Variants in NAALADL1 observed in about 807,000 individuals in gnomAD.
NAALADL1 encodes N-acetylated alpha-linked acidic dipeptidase like 1, also known as aminopeptidase NAALADL1.
NAALADL1 carries 77 observed loss-of-function variants against 82.8 expected under a neutral mutation model. The observed-to-expected ratio is 0.93, with a 90% CI of 0.77 to 1.12. The LOEUF (loss-of-function observed/expected upper bound fraction) is 1.12, where lower values mean the gene tolerates loss of function less well. Ranked by LOEUF, NAALADL1 falls within the 50% of genes most tolerant of loss-of-function variation. NAALADL1 has a pLI of 0.00. For missense variants in NAALADL1, 956 were observed against 964.0 expected, an observed-to-expected ratio of 0.99 and a Z score of 0.11; for synonymous variants, 358 against 399.2, an observed-to-expected ratio of 0.90 and a Z score of 1.23.
intron 4 of NAALADL1, among the ~76,000 whole-genome samples, chr11:65,055,444 C>A (rs1417803722): frequency 6.6e-6 from 1 of 151,934 alleles, no homozygotes; most frequent in Non-Finnish European, 1.5e-5. Context: ...CTCAAAAAAA[C>A]CCCAACAAAC....
At chr11:65,051,373 G>A (rs1217079368) in intron 8 of NAALADL1, among the ~76,000 whole-genome samples, 3 of 84,904 alleles carry the variant, frequency 3.5e-5, no homozygotes, top group Non-Finnish European at 6.8e-5. Context: ...GTCCTTTTCT[G>A]TTGCCCAGGC....
chr11:65,053,181 G>A lies in NAALADL1; in HGVS notation c.1198+37C>T. The A allele has an allele frequency of 1.3e-6, 2 of 1,501,658 alleles. No individual in the cohort carries two copies. The highest frequency in any genetic ancestry group is 1.3e-5 in the South Asian group (1 of 77,150). The allele number at this position is 1,501,658 out of a possible 1,614,324, so 93.0% of individuals were successfully genotyped here. ...TGGAACAGGAAGGGGACCTCCGGGG[G>A]CGAAGGTCCCTGGTCCAGGGGAGGG... On this transcript the variant is annotated intron_variant, in intron 8 of 17. Coordinates refer to ENST00000358658, the MANE Select transcript of NAALADL1 (RefSeq NM_005468.3). The surrounding 1 kb of genome is among the most constrained non-coding windows in gnomAD (Gnocchi z 4.3).
chr11:65,052,804 A>G (rs1180933441), intron 8 of NAALADL1, among the ~76,000 whole-genome samples: 1 of 152,064 alleles, frequency 6.6e-6, no homozygotes, highest in Non-Finnish European at 1.5e-5. Flanking sequence ...TCCCTGAAGC[A>G]CTGAAACGCT....
Position 65,057,957 on chromosome 11 carries a change from G to A in NAALADL1, c.398C>T (p.Thr133Ile). Residue 133 changes from threonine (T) to isoleucine (I), a missense_variant, in exon 3 of 18, where the codon ACT (threonine) becomes ATT (isoleucine). Coordinates refer to ENST00000358658, the MANE Select transcript of NAALADL1 (RefSeq NM_005468.3). ...TGGIIHSCHRTEENVTGEQGG... is the reference protein window; with the variant it reads ...TGGIIHSCHRIEENVTGEQGG... ...TTGCTCCCCGGTCACGTTCTCCTCA[G>A]TCCGGTGGCAGGAGTGGATGATGCC... The A allele has an allele frequency of 6.2e-7, 1 of 1,614,144 alleles. No individual in the cohort carries two copies. Among genetic ancestry groups the A allele is most frequent in the Non-Finnish European group, 8.5e-7 (1 of 1,180,002 alleles).
chr11:65,047,823 C>T, intron 11 of NAALADL1, 85 bp from the exon 12 acceptor site: 1 of 1,487,456 alleles, frequency 6.7e-7, no homozygotes, highest in Non-Finnish European at 9.1e-7. Flanking sequence ...CTCCTGCCCA[C>T]CCGTGGTCCA....
intron 8 of NAALADL1, among the ~76,000 whole-genome samples, chr11:65,052,811 CGCTGAAGT>C (rs1946924412): frequency 2.0e-5 from 3 of 152,008 alleles, no homozygotes; most frequent in African/African-American, 7.2e-5. Flanking sequence ...AGCACTGAAA[CGCTGAAGT>C]GCTGCCTCCA....
chr11:65,051,366 C>CTTTTCTG (rs1946885809), intron 8 of NAALADL1, among the ~76,000 whole-genome samples: 1 of 79,786 alleles, frequency 1.3e-5, no homozygotes, highest in African/African-American at 4.5e-5. Flanking sequence ...AGACAGGGTC[C>CTTTTCTG]TTTTCTGTTG....
At chr11:65,047,262 G>A (rs1946754416) in intron 13 of NAALADL1, among the ~76,000 whole-genome samples, 1 of 152,138 alleles carries the variant, frequency 6.6e-6, no homozygotes, top group Non-Finnish European at 1.5e-5. Context: ...TTGAGCCCAG[G>A]AGTTCAAGAC....
rs139662895 is a variant in NAALADL1 at position 65,053,294 on chromosome 11, G to A, written c.1122C>T (p.His374=). 102 of 1,559,524 alleles carry A rather than the reference G, an allele frequency of 6.5e-5. No homozygotes were observed. The highest frequency in any genetic ancestry group is 5.3e-4 in the Middle Eastern group (3 of 5,686). The part of the protein sequence containing the change: ...LYGNHRDSWV[H]GAVDPSSGTA... The stretch of plus-strand genomic sequence containing the variant: ...TGCCACTGCTGGGGTCCACAGCCCC[G>A]TGCACCCAGCTGTCTCGGTGGTTCC... The change falls in exon 8 of 18, where the codon CAC becomes CAT. Residue 374 remains histidine, a synonymous_variant. Transcript: ENST00000358658. The surrounding 1 kb of genome is among the most constrained non-coding windows in gnomAD (Gnocchi z 4.3).
In NAALADL1 at chr11:65,053,897, G is replaced by T. The variant is rs1565237170; in HGVS notation, c.993-321C>A. Among the ~76,000 whole-genome samples, 3 of 152,178 alleles carry T rather than the reference G, an allele frequency of 2.0e-5. No individual in the cohort carries two copies. Among genetic ancestry groups the T allele is most frequent in the African/African-American group, 2.4e-5 (1 of 41,438 alleles). On this transcript the variant is annotated intron_variant, in intron 6 of 17. Coordinates refer to ENST00000358658, the MANE Select transcript of NAALADL1 (RefSeq NM_005468.3). This position sits in a 1 kb window ranked among gnomAD's most constrained non-coding sequence, Gnocchi z 4.3. ...CTGGGTGAAGGGGCCTGGGAGGAGA[G>T]GGCACCTGGAGGCCAGTGGGTGCTG...
chr11:65,054,323 A>C lies in NAALADL1; in HGVS notation c.919T>G (p.Trp307Gly), dbSNP rs140919277. 8 of 1,614,120 alleles carry C rather than the reference A, an allele frequency of 5.0e-6. No homozygotes were observed. The East Asian group carries it at 6.7e-5, about 13-fold the overall frequency. ...TAGTGGCAGCCCAGTGCTCCCTGCC[A>C]GGTGGCTGGGGCCAAAGTTCCGTTG... ...NLNGTLAPAT[W>G]QGALGCHYRL... The change falls in exon 6 of 18, where the codon TGG (tryptophan) becomes GGG (glycine). Residue 307 changes from tryptophan to glycine, a missense_variant. Transcript: ENST00000358658. This position sits in a 1 kb window ranked among gnomAD's most constrained non-coding sequence, Gnocchi z 4.3.
chr11:65,046,480 T>C lies in NAALADL1; in HGVS notation c.1646A>G (p.Asp549Gly). Reference sequence around the variant, plus strand: ...AAACTTGTCCACATAGTCAAAGGTGTCAAAGGCTGTGTGGTAGGTGGGGTA... The same window carrying C: ...AAACTTGTCCACATAGTCAAAGGTGCCAAAGGCTGTGTGGTAGGTGGGGTA... ...RIYPTYHTAF[D>G]TFDYVDKFLD... The change falls in exon 14 of 18, where the codon GAC becomes GGC. Residue 549 changes from aspartate to glycine, a missense_variant. Coordinates refer to ENST00000358658, the MANE Select transcript of NAALADL1 (RefSeq NM_005468.3). 6.2e-7 allele frequency: 1 copy of C among 1,614,126 alleles called. No individual in the cohort carries two copies. The highest frequency in any genetic ancestry group is 8.5e-7 in the Non-Finnish European group (1 of 1,180,020).
At chr11:65,049,417 CA>C (rs1222801032) in intron 8 of NAALADL1, among the ~76,000 whole-genome samples, 22 of 152,134 alleles carry the variant, frequency 1.4e-4, no homozygotes, top group African/African-American at 5.3e-4. Flanking sequence ...TCAAATGAGC[CA>C]AACCCAAATT....
Position 65,057,511 on chromosome 11 carries a change from T to C in NAALADL1, c.481-18A>G, listed in dbSNP as rs1479189504. On this transcript the variant is annotated intron_variant, in intron 3 of 17. Coordinates refer to ENST00000358658, the MANE Select transcript of NAALADL1 (RefSeq NM_005468.3). Reference sequence around the variant, plus strand: ...AGGAGGCCCTAGTCCCAAGAGGGGGTGATCCTTAGAGCTGGGCCCAGCGAA... The same window carrying C: ...AGGAGGCCCTAGTCCCAAGAGGGGGCGATCCTTAGAGCTGGGCCCAGCGAA... 6.2e-7 allele frequency: 1 copy of C among 1,609,010 alleles called. No homozygotes were observed. The highest frequency in any genetic ancestry group is 8.5e-7 in the Non-Finnish European group (1 of 1,177,524).
rs143468867 is a variant in NAALADL1 at position 65,048,030 on chromosome 11, A to G, written c.1367T>C (p.Val456Ala). ...GCTCTGGACAGGGGGCGTCCCCTGC[A>G]CCCTAAGGGTAGCGTTGGCTGTGGG... The part of the protein sequence containing the change: ...ISVFANATLR[V>A]QGTPPVQSVV... Residue 456 changes from valine to alanine, a missense_variant, in exon 11 of 18, where the codon GTG (valine) becomes GCG (alanine). Physicochemically the swap from Val to Ala is moderately conservative, Grantham distance 64. Transcript: ENST00000358658. The G allele has an allele frequency of 3.8e-4, 611 of 1,613,124 alleles. 3 individuals are homozygous for G. In the African/African-American group the frequency reaches 7.2e-3, roughly 19 times the overall value.
chr11:65,046,214 C>T lies in NAALADL1; in HGVS notation c.1830G>A (p.Leu610=). Residue 610 remains leucine, a synonymous_variant, in exon 15 of 18, where the codon CTG becomes CTA. Transcript: ENST00000358658. ...LQAAQQDLGA[L]LEQHSISLGP... ...CCAGGCTGATGCTGTGCTGCTCCAG[C>T]AGGGCCCCAAGATCTTGCTGGGCTG... 6.2e-7 allele frequency: 1 copy of T among 1,614,114 alleles called. No homozygotes were observed. The highest frequency in any genetic ancestry group is 8.5e-7 in the Non-Finnish European group (1 of 1,180,012).
chr11:65,054,620 G>C lies in NAALADL1; in HGVS notation c.722C>G (p.Pro241Arg), dbSNP rs374086988. The part of the protein sequence containing the change: ...ETFPNSWYLP[P>R]SGVERGSYYE... Reference sequence around the variant, plus strand: ...GTAGGAGCCTCGCTCCACTCCTGAGGGGGGCAGGTACCAGGAGTTGGGAAA... The same window carrying C: ...GTAGGAGCCTCGCTCCACTCCTGAGCGGGGCAGGTACCAGGAGTTGGGAAA... The change falls in exon 5 of 18, where the codon CCC (proline) becomes CGC (arginine). Residue 241 changes from proline (P) to arginine (R), a missense_variant. Physicochemically the swap from Pro to Arg is moderately radical, Grantham distance 103. Coordinates refer to ENST00000358658, the MANE Select transcript of NAALADL1 (RefSeq NM_005468.3). This position sits in a 1 kb window ranked among gnomAD's most constrained non-coding sequence, Gnocchi z 4.3. The C allele has an allele frequency of 2.5e-6, 4 of 1,613,878 alleles. No homozygotes were observed. The highest frequency in any genetic ancestry group is 1.6e-4 in the Middle Eastern group (1 of 6,084).
chr11:65,048,021 G>C lies in NAALADL1; in HGVS notation c.1376C>G (p.Thr459Arg), dbSNP rs1185060079. 1 of 1,613,684 alleles carries C rather than the reference G, an allele frequency of 6.2e-7. No individual in the cohort carries two copies. Among genetic ancestry groups the C allele is most frequent in the African/African-American group, 1.3e-5 (1 of 74,882 alleles). The part of the protein sequence containing the change: ...FANATLRVQG[T>R]PPVQSVVFSA... ...GAAGACGACGCTCTGGACAGGGGGC[G>C]TCCCCTGCACCCTAAGGGTAGCGTT... Residue 459 changes from threonine to arginine, a missense_variant, in exon 11 of 18, where the codon ACG becomes AGG. Physicochemically the swap from Thr to Arg is moderately conservative, Grantham distance 71 (BLOSUM62 -1). Transcript: ENST00000358658.
chr11:65,052,232 C>T (rs1320371931), intron 8 of NAALADL1, among the ~76,000 whole-genome samples: 1 of 152,176 alleles, frequency 6.6e-6, no homozygotes, highest in Non-Finnish European at 1.5e-5. Context: ...TGCCCTCCAT[C>T]CTGGTCCAAG....
Sources: gnomAD v4.1 joint callset for allele counts (sites outside exome capture counted in the v4.1 genomes callset) on GRCh38, gnomAD v4.1.1 for gene constraint, Gnocchi (gnomAD v3.1) non-coding constraint, MANE v1.5 for transcripts, NCBI Gene and HGNC (gene_info 2026-07-23, HGNC 2026-07-21) for gene names.